Variants in MAGI2 observed in about 807,000 individuals in gnomAD.
MAGI2 encodes membrane associated guanylate kinase, WW and PDZ domain containing 2, also known as membrane-associated guanylate kinase, WW and PDZ domain-containing protein 2.
In MAGI2, 35 loss-of-function variants were observed where a neutral mutation model predicts 133.3. That is an observed-to-expected ratio of 0.26 (90% CI 0.20 to 0.35). The LOEUF (loss-of-function observed/expected upper bound fraction) is 0.35. Among genes scored for constraint, MAGI2 ranks in the 10% least tolerant of loss-of-function variants. The pLI, the probability that MAGI2 is intolerant of heterozygous loss-of-function variation, is 1.00. For synonymous variants in MAGI2, 729 were observed against 710.6 expected, an observed-to-expected ratio of 1.03 and a Z score of -0.41; for missense variants, 1,636 against 1,863.4, an observed-to-expected ratio of 0.88 and a Z score of 2.25.
chr7:78,072,007 C>T (rs892437737), intron 21 of MAGI2, among the ~76,000 whole-genome samples: 10 of 152,144 alleles, frequency 6.6e-5, no homozygotes, highest in African/African-American at 1.9e-4. Context: ...TGAGGAGGCA[C>T]GTCAGCACAC....
intron 1 of MAGI2, among the ~76,000 whole-genome samples, chr7:79,339,045 A>T (rs1840695565): frequency 6.6e-6 from 1 of 152,052 alleles, no homozygotes; most frequent in African/African-American, 2.4e-5. Flanking sequence ...AATATAATAA[A>T]TTTTCTAGAA....
At chr7:78,274,783 C>A (rs1361309337) in intron 9 of MAGI2, among the ~76,000 whole-genome samples, 1 of 152,110 alleles carries the variant, frequency 6.6e-6, no homozygotes, top group Non-Finnish European at 1.5e-5. Context: ...GGTGGATGCA[C>A]CTTCCCCTAT....
intron 2 of MAGI2, among the ~76,000 whole-genome samples, chr7:78,960,768 G>GAACATGGAAC (rs780004690): frequency 3.9e-5 from 6 of 152,086 alleles, no homozygotes; most frequent in African/African-American, 9.7e-5. Context: ...TTTGAACCCA[G>GAACATGGAAC]AACATGGAAC....
intron 1 of MAGI2, among the ~76,000 whole-genome samples, chr7:79,399,112 GGAGA>G: frequency 1.2e-5 from 1 of 82,116 alleles, no homozygotes; most frequent in African/African-American, 9.1e-5. Context: ...TTTTTTTTTG[GGAGA>G]TGGAGCCTCA....
chr7:79,208,819 C>A (rs1829272985), intron 1 of MAGI2, among the ~76,000 whole-genome samples: 1 of 151,800 alleles, frequency 6.6e-6, no homozygotes, highest in Admixed American at 6.6e-5. Context: ...AAAAATATGG[C>A]ATATATACAT....
intron 11 of MAGI2, among the ~76,000 whole-genome samples, chr7:78,196,439 AAAAC>A (rs2150743809): frequency 6.6e-6 from 1 of 152,308 alleles, no homozygotes; most frequent in South Asian, 2.1e-4. Flanking sequence ...CCACTTAAAA[AAAAC>A]AGTTTTGATA....
In MAGI2 at chr7:78,363,511, GATAATA is replaced by G. The variant is rs10570471; in HGVS notation, c.1103+5639_1103+5644del. 1.6e-3 allele frequency among the ~76,000 whole-genome samples: 242 copies of G among 147,764 alleles called. 2 individuals carry two copies. The highest frequency in any genetic ancestry group is 5.6e-3 in the African/African-American group (225 of 40,428). ...CCATCTCGAAAATAATAATAATAAT[GATAATA>G]ATAATAATAATAATAATTCTGAAGA... is the stretch of plus-strand genomic sequence containing the variant. On this transcript the variant is annotated intron_variant, in intron 7 of 21. Transcript: ENST00000354212.
chr7:78,424,318 T>C (rs1237500766), intron 6 of MAGI2, among the ~76,000 whole-genome samples: 1 of 152,182 alleles, frequency 6.6e-6, no homozygotes, highest in African/African-American at 2.4e-5. Flanking sequence ...GAATTGAGGT[T>C]TGGGAACCTC....
intron 1 of MAGI2, among the ~76,000 whole-genome samples, chr7:79,349,715 T>C (rs1332988464): frequency 6.6e-6 from 1 of 152,048 alleles, no homozygotes; most frequent in Non-Finnish European, 1.5e-5. Flanking sequence ...CTGACCCTTT[T>C]CATGAAGAAT....
At chr7:78,530,665 C>T (rs191677903) in intron 3 of MAGI2, among the ~76,000 whole-genome samples, 1 of 152,212 alleles carries the variant, frequency 6.6e-6, no homozygotes, top group East Asian at 1.9e-4. Context: ...GTGTTCAGTA[C>T]CCAGTGCCTC....
intron 1 of MAGI2, among the ~76,000 whole-genome samples, chr7:79,380,456 C>A: frequency 6.6e-6 from 1 of 151,766 alleles, no homozygotes; most frequent in Non-Finnish European, 1.5e-5. Flanking sequence ...ATGCACATTA[C>A]AGAATGGCCA....
intron 2 of MAGI2, among the ~76,000 whole-genome samples, chr7:78,895,411 A>G (rs958234672): frequency 6.6e-6 from 1 of 152,136 alleles, no homozygotes; most frequent in East Asian, 1.9e-4. Flanking sequence ...AGCATCTAAC[A>G]TATATATTTT....
At chr7:78,741,279 G>A (rs1368437375) in intron 2 of MAGI2, among the ~76,000 whole-genome samples, 1 of 151,512 alleles carries the variant, frequency 6.6e-6, no homozygotes, top group African/African-American at 2.4e-5. Flanking sequence ...TGAGAGTGAG[G>A]TGACAGTGTC....
intron 3 of MAGI2, among the ~76,000 whole-genome samples, chr7:78,534,006 T>C (rs947408791): frequency 1.3e-5 from 2 of 152,204 alleles, no homozygotes; most frequent in East Asian, 3.8e-4. Flanking sequence ...AAGGTTATCA[T>C]ACATCTAATC....
In MAGI2 at chr7:78,937,636, A is replaced by G. The variant is rs376392934; in HGVS notation, c.418+69454T>C. On this transcript the variant is annotated intron_variant, in intron 2 of 21. Transcript: ENST00000354212. ...TAGAGATCAATGCAACGATACTTAT[A>G]TAATGGGGAATTATCACAAGCCAGT... 2.9e-4 allele frequency among the ~76,000 whole-genome samples: 44 copies of G among 152,286 alleles called. No individual in the cohort carries two copies. In the South Asian group the frequency reaches 5.8e-3, roughly 20 times the overall value.
At chr7:78,560,762 C>G (rs1210259548) in intron 3 of MAGI2, among the ~76,000 whole-genome samples, 1 of 152,142 alleles carries the variant, frequency 6.6e-6, no homozygotes, top group Non-Finnish European at 1.5e-5. Flanking sequence ...TGCTCTTAAC[C>G]ATTACACAAT....
At chr7:78,455,706 T>A (rs1789239461) in intron 6 of MAGI2, among the ~76,000 whole-genome samples, 1 of 152,172 alleles carries the variant, frequency 6.6e-6, no homozygotes, top group African/African-American at 2.4e-5. Context: ...TACCAACACA[T>A]AATTGTTAGT....
At chr7:79,262,415 A>C (rs563600585) in intron 1 of MAGI2, among the ~76,000 whole-genome samples, 1 of 152,350 alleles carries the variant, frequency 6.6e-6, no homozygotes, top group African/African-American at 2.4e-5. Context: ...CATAACTAAA[A>C]AGGCTAGAAA....
chr7:79,444,177 G>A (rs1192443733), intron 1 of MAGI2, among the ~76,000 whole-genome samples: 1 of 152,082 alleles, frequency 6.6e-6, no homozygotes, highest in South Asian at 2.1e-4. Flanking sequence ...AATAATAAGA[G>A]CTATCTATGA....
Sources: gnomAD v4.1 joint callset for allele counts (sites outside exome capture counted in the v4.1 genomes callset) on GRCh38, gnomAD v4.1.1 for gene constraint, MANE v1.5 for transcripts, NCBI Gene and HGNC (gene_info 2026-07-23, HGNC 2026-07-21) for gene names.